LRP1B: variants seen among roughly 807,000 people sequenced by gnomAD.
The protein encoded by LRP1B is low-density lipoprotein receptor-related protein 1B.
LRP1B carries 217 observed loss-of-function variants against 556.6 expected under a neutral mutation model. The observed-to-expected ratio is 0.39, with a 90% CI of 0.35 to 0.44. LRP1B has a LOEUF of 0.44. Among genes scored for constraint, LRP1B ranks in the 20% least tolerant of loss-of-function variants. The pLI is 1.00. For missense variants in LRP1B, 5,053 were observed against 5,620.8 expected (o/e 0.90, Z 3.23); for synonymous variants, 2,047 against 1,865.8 (o/e 1.10, Z -2.50).
chr2:142,071,206 TC>T (rs1278583347), intron 1 of LRP1B, among the ~76,000 whole-genome samples: 3 of 151,962 alleles, frequency 2.0e-5, no homozygotes, highest in African/African-American at 7.2e-5. Flanking sequence ...TAAACCTCAA[TC>T]ATTGTTGCAA....
chr2:141,820,332 A>G (rs1696712055), intron 1 of LRP1B, among the ~76,000 whole-genome samples: 1 of 152,216 alleles, frequency 6.6e-6, no homozygotes, highest in South Asian at 2.1e-4. Context: ...ATAGAAAAAT[A>G]TATTTAGATT....
At chr2:141,842,540 CA>C (rs1476730506) in intron 1 of LRP1B, among the ~76,000 whole-genome samples, 2 of 151,966 alleles carry the variant, frequency 1.3e-5, no homozygotes, top group Non-Finnish European at 2.9e-5. Flanking sequence ...ATGTATTATA[CA>C]AAAAATGATT....
chr2:140,889,595 C>G (rs1447044094), intron 23 of LRP1B, among the ~76,000 whole-genome samples: 27 of 152,172 alleles, frequency 1.8e-4, no homozygotes, highest in Admixed American at 1.8e-3. Flanking sequence ...CCTGGCCCAG[C>G]CATTCTTAAA....
intron 43 of LRP1B, among the ~76,000 whole-genome samples, chr2:140,594,072 G>C (rs1232879226): frequency 6.6e-6 from 1 of 151,918 alleles, no homozygotes; most frequent in African/African-American, 2.4e-5. Context: ...CCACCTCCTG[G>C]GTTCAAGCGA....
chr2:141,058,098 G>T (rs1395645415), intron 9 of LRP1B, among the ~76,000 whole-genome samples: 3 of 151,682 alleles, frequency 2.0e-5, no homozygotes, highest in Admixed American at 1.3e-4. Flanking sequence ...AATAGTTCCT[G>T]GAACATAGTA....
chr2:141,030,416 C>A (rs914301373), intron 11 of LRP1B, among the ~76,000 whole-genome samples: 2 of 151,948 alleles, frequency 1.3e-5, no homozygotes, highest in African/African-American at 2.4e-5. Flanking sequence ...GCGAGTTAAA[C>A]CTTGCAATTT....
At chr2:141,568,592 C>T (rs1686418397) in intron 2 of LRP1B, among the ~76,000 whole-genome samples, 1 of 151,162 alleles carries the variant, frequency 6.6e-6, no homozygotes, top group Admixed American at 6.6e-5. Flanking sequence ...GTAGTTTCAT[C>T]TACAGATCTT....
intron 3 of LRP1B, among the ~76,000 whole-genome samples, chr2:141,338,509 C>T (rs144844166): frequency 0.014 from 2,184 of 152,218 alleles, 29 homozygotes; most frequent in Non-Finnish European, 0.023. Context: ...CTTTGATTTA[C>T]GGTCTTCCAC....
chr2:141,453,377 A>G (rs12993942), intron 3 of LRP1B, among the ~76,000 whole-genome samples: 37,193 of 152,020 alleles, frequency 0.24, 5,180 homozygotes, highest in East Asian at 0.46. Flanking sequence ...CTTTTCTCCC[A>G]TTGTTCAAAA....
At chr2:140,383,414 G>C (rs1683623488) in intron 67 of LRP1B, among the ~76,000 whole-genome samples, 1 of 151,680 alleles carries the variant, frequency 6.6e-6, no homozygotes, top group Admixed American at 6.6e-5. Flanking sequence ...GTTTCTATAT[G>C]ACTAATATTT....
chr2:141,847,722 A>C (rs1000693331), intron 1 of LRP1B, among the ~76,000 whole-genome samples: 8 of 151,570 alleles, frequency 5.3e-5, no homozygotes, highest in African/African-American at 1.9e-4. Flanking sequence ...AAATGATGTC[A>C]AGTAATAAAT....
In LRP1B at chr2:141,797,146, CATATATAT is replaced by C. The variant is rs6146945; in HGVS notation, c.205+13125_205+13132del. ...GTTAAAGTTTAACTTTGAAAATAAT[CATATATAT>C]ATATATATATATATATATATATATA... On this transcript the variant is annotated intron_variant, in intron 2 of 90. Transcript: ENST00000389484. 7.2e-3 allele frequency among the ~76,000 whole-genome samples: 569 copies of C among 79,078 alleles called. 9 individuals carry two copies. The highest frequency in any genetic ancestry group is 0.018 in the East Asian group (62 of 3,512). The allele number at this position is 79,078 out of a possible 152,430, so 51.9% of individuals were successfully genotyped here.
intron 3 of LRP1B, among the ~76,000 whole-genome samples, chr2:141,268,702 C>A (rs191178782): frequency 5.9e-5 from 9 of 152,172 alleles, no homozygotes; most frequent in Admixed American, 6.5e-5. Flanking sequence ...GAAGTTACAC[C>A]TCCTAGATTT....
At chr2:142,063,635 GCTA>G (rs1319939818) in intron 1 of LRP1B, among the ~76,000 whole-genome samples, 1 of 151,294 alleles carries the variant, frequency 6.6e-6, no homozygotes, top group Non-Finnish European at 1.5e-5. Context: ...ATTCATTTCC[GCTA>G]CTTTTAATCT....
At chr2:141,818,785 C>T (rs1696654472) in intron 1 of LRP1B, among the ~76,000 whole-genome samples, 1 of 151,448 alleles carries the variant, frequency 6.6e-6, no homozygotes, top group African/African-American at 2.4e-5. Flanking sequence ...ATCTGCCCGC[C>T]TTGGCCTCCC....
At chr2:140,491,905 G>T (rs1039748844) in intron 57 of LRP1B, among the ~76,000 whole-genome samples, 11 of 152,172 alleles carry the variant, frequency 7.2e-5, no homozygotes, top group African/African-American at 2.7e-4. Flanking sequence ...GATAAGGCGA[G>T]TGTACATGTC....
intron 18 of LRP1B, among the ~76,000 whole-genome samples, chr2:140,972,432 A>G (rs1021336385): frequency 1.3e-5 from 2 of 152,162 alleles, no homozygotes; most frequent in Non-Finnish European, 2.9e-5. Flanking sequence ...AGAAAATTAA[A>G]ACTCCAAACC....
intron 12 of LRP1B, among the ~76,000 whole-genome samples, chr2:141,017,336 C>A (rs141835049): frequency 6.6e-6 from 1 of 151,692 alleles, no homozygotes; most frequent in Non-Finnish European, 1.5e-5. Context: ...TTAATCAATA[C>A]GGTTTTATTT....
rs886516345 is a variant in LRP1B, at chr2:140,500,925, A to G, written c.8850+762T>C. ...ACTAGTTATGTCCTATTGAAGATTC[A>G]TACAGAGTTGTTGCTCCATTAAACA... is the stretch of plus-strand genomic sequence containing the variant. On this transcript the variant is annotated intron_variant, in intron 55 of 90. Transcript: ENST00000389484. 1.1e-4 allele frequency among the ~76,000 whole-genome samples: 16 copies of G among 152,082 alleles called. No individual in the cohort carries two copies. In the East Asian group the frequency reaches 2.7e-3, roughly 26 times the overall value.
Sources: allele counts gnomAD v4.1 joint callset (sites outside exome capture counted in the v4.1 genomes callset), GRCh38; gene constraint gnomAD v4.1.1; transcripts MANE v1.5; gene names NCBI Gene and HGNC (gene_info 2026-07-23, HGNC 2026-07-21).